Variants in RGSL1 observed in about 807,000 individuals in gnomAD.
The protein encoded by RGSL1 is regulator of G protein signaling protein-like.
In RGSL1, 97 loss-of-function variants were observed where a neutral mutation model predicts 124.7. That is an observed-to-expected ratio of 0.78 (90% CI 0.66 to 0.92). RGSL1 has a LOEUF of 0.92. Ranked by LOEUF, RGSL1 falls within the 40% of genes least tolerant of loss-of-function variation. RGSL1 has a pLI of 0.00. For synonymous variants in RGSL1, 424 were observed against 438.1 expected, an observed-to-expected ratio of 0.97 and a Z score of 0.40; for missense variants, 1,233 against 1,288.4, an observed-to-expected ratio of 0.96 and a Z score of 0.66.
chr1:182,538,634 A>G (rs1286436213), intron 14 of RGSL1, among the ~76,000 whole-genome samples: 4 of 152,218 alleles, frequency 2.6e-5, no homozygotes, highest in South Asian at 4.1e-4. Context: ...AAGTGTAGGA[A>G]GCACAGTCAG....
At chr1:182,461,635 C>T (rs189899839) in intron 4 of RGSL1, among the ~76,000 whole-genome samples, 1 of 151,230 alleles carries the variant, frequency 6.6e-6, no homozygotes, top group Non-Finnish European at 1.5e-5. Flanking sequence ...GATAAATGAA[C>T]AAAATGGAAA....
At chr1:182,489,837 C>T (rs1655388743) in intron 8 of RGSL1, among the ~76,000 whole-genome samples, 1 of 152,166 alleles carries the variant, frequency 6.6e-6, no homozygotes, top group South Asian at 2.1e-4. Context: ...CTGAGATCAT[C>T]TATGAAAGCT....
chr1:182,448,145 A>G (rs1287544687), upstream of RGSL1: 1 of 152,278 alleles, frequency 6.6e-6, no homozygotes, highest in Non-Finnish European at 1.5e-5. Context: ...CAGATCTAGT[A>G]AATGTCAGAT....
chr1:182,552,795 G>C (rs939555425), intron 18 of RGSL1, among the ~76,000 whole-genome samples: 1 of 152,228 alleles, frequency 6.6e-6, no homozygotes, highest in South Asian at 2.1e-4. Context: ...GGGCAAGAGA[G>C]TGTGAGAGAG....
intron 6 of RGSL1, among the ~76,000 whole-genome samples, chr1:182,484,028 C>A (rs1020814746): frequency 9.2e-5 from 14 of 152,062 alleles, no homozygotes; most frequent in African/African-American, 3.4e-4. Flanking sequence ...ACTCTAGACC[C>A]TGGGACGGTG....
intron 9 of RGSL1, among the ~76,000 whole-genome samples, chr1:182,514,285 T>G (rs1378430410): frequency 5.9e-5 from 9 of 152,214 alleles, no homozygotes; most frequent in Non-Finnish European, 1.3e-4. Context: ...CCTTCCATTA[T>G]GCATACCTGA....
chr1:182,467,549 A>G (rs1225842735), intron 4 of RGSL1, among the ~76,000 whole-genome samples: 1 of 152,242 alleles, frequency 6.6e-6, no homozygotes, highest in Non-Finnish European at 1.5e-5. Context: ...TGGTGCTGGG[A>G]AAACTGGCTA....
chr1:182,523,242 TGTTGCCCAG>T (rs891788468), intron 10 of RGSL1, among the ~76,000 whole-genome samples: 16 of 147,966 alleles, frequency 1.1e-4, no homozygotes, highest in Non-Finnish European at 1.8e-4. Flanking sequence ...GGTCTTGCCC[TGTTGCCCAG>T]GTTGGTCTCA....
intron 9 of RGSL1, among the ~76,000 whole-genome samples, chr1:182,500,946 G>C (rs1656306784): frequency 6.6e-6 from 1 of 152,110 alleles, no homozygotes; most frequent in Admixed American, 6.6e-5. Context: ...GAATAAAATA[G>C]CTTTGCTTGT....
At chr1:182,448,105 A>T (rs1453838590), upstream of RGSL1, 5 of 152,198 alleles carry the variant, frequency 3.3e-5, no homozygotes, top group African/African-American at 1.2e-4. Context: ...ACTTGGGAAA[A>T]GGAGATGCCC....
At chr1:182,550,949 G>A (rs984131737) in intron 17 of RGSL1, 151 bp from the exon 18 acceptor site, 3 of 618,424 alleles carry the variant, frequency 4.9e-6, no homozygotes, top group Non-Finnish European at 5.8e-6. Context: ...GCCACTGGCA[G>A]GTAGAACCCC....
intron 4 of RGSL1, among the ~76,000 whole-genome samples, chr1:182,472,153 G>A (rs1290618501): frequency 6.6e-6 from 1 of 151,986 alleles, no homozygotes; most frequent in African/African-American, 2.4e-5. Context: ...TCCAGTGATG[G>A]TTTTTCTAAC....
Position 182,470,357 on chromosome 1 carries a change from T to A in RGSL1, c.302-2039T>A, listed in dbSNP as rs556982372. The stretch of plus-strand genomic sequence containing the variant: ...AGAACTGGCCCCATTTCCTCTCTTA[T>A]CTCATCTCTTCCTACTTCCCTCCCC... On this transcript the variant is annotated intron_variant, in intron 4 of 21. Coordinates refer to ENST00000294854, the MANE Select transcript of RGSL1 (RefSeq NM_001137669.2). 2.6e-5 allele frequency among the ~76,000 whole-genome samples: 4 copies of A among 152,124 alleles called. No homozygotes were observed. In the South Asian group the frequency reaches 8.3e-4, roughly 32 times the overall value.
intron 21 of RGSL1, among the ~76,000 whole-genome samples, chr1:182,560,021 G>A (rs1661083631): frequency 6.6e-6 from 1 of 152,180 alleles, no homozygotes; most frequent in Non-Finnish European, 1.5e-5. Flanking sequence ...GCAGATAATA[G>A]TTGCCTCATA....
intron 2 of RGSL1, among the ~76,000 whole-genome samples, chr1:182,456,565 T>C (rs1333663658): frequency 6.6e-6 from 1 of 152,192 alleles, no homozygotes; most frequent in Non-Finnish European, 1.5e-5. Context: ...CCCAAAGTGC[T>C]GGGATTACAG....
At chr1:182,519,354 G>T (rs1372353039) in intron 9 of RGSL1, among the ~76,000 whole-genome samples, 4 of 152,098 alleles carry the variant, frequency 2.6e-5, no homozygotes, top group Non-Finnish European at 5.9e-5. Flanking sequence ...GTTTCTGGAT[G>T]GAGAATTCTT....
In RGSL1 at chr1:182,530,776, T is replaced by C. The variant is rs1360908654; in HGVS notation, c.2244-14T>C. 2 of 1,518,626 alleles carry C rather than the reference T, an allele frequency of 1.3e-6. No individual in the cohort carries two copies. Among genetic ancestry groups the C allele is most frequent in the East Asian group, 2.5e-5 (1 of 39,924 alleles). The allele number at this position is 1,518,626 out of a possible 1,614,324, so 94.1% of individuals were successfully genotyped here. ...TTTTTGCCCTGTTTGATATTACTGA[T>C]GTCCTTCTGACAGGTTTAAAGATTA... On this transcript the variant is annotated splice_polypyrimidine_tract_variant and intron_variant, in intron 12 of 21. Coordinates refer to ENST00000294854, the MANE Select transcript of RGSL1 (RefSeq NM_001137669.2).
chr1:182,493,092 T>C lies in RGSL1; in HGVS notation c.1788T>C (p.Asp596=), dbSNP rs1571563668. 2 of 1,551,508 alleles carry C rather than the reference T, an allele frequency of 1.3e-6. No homozygotes were observed. The highest frequency in any genetic ancestry group is 3.9e-5 in the Admixed American group (2 of 50,974). The change falls in exon 9 of 22, where the codon GAT becomes GAC. Residue 596 remains aspartate (D), a synonymous_variant. Transcript: ENST00000294854. ...AGATGGCCATACAGAAGATCAGTGA[T>C]GACTACAAAATATACTGTGAGAAAG... The part of the protein sequence containing the change: ...NPKMAIQKIS[D]DYKIYCEKAP...
At chr1:182,484,545 G>A (rs1444356847) in intron 6 of RGSL1, among the ~76,000 whole-genome samples, 1 of 152,210 alleles carries the variant, frequency 6.6e-6, no homozygotes, top group African/African-American at 2.4e-5. Flanking sequence ...CCAGGAAGGC[G>A]TGTGAAGCTT....
Sources: allele counts gnomAD v4.1 joint callset (sites outside exome capture counted in the v4.1 genomes callset), GRCh38; gene constraint gnomAD v4.1.1; transcripts MANE v1.5; gene names NCBI Gene and HGNC (gene_info 2026-07-23, HGNC 2026-07-21).